ADCY1: variants seen among roughly 807,000 people sequenced by gnomAD.
ADCY1 encodes adenylate cyclase type 1.
ADCY1 carries 28 observed loss-of-function variants against 105.4 expected under a neutral mutation model. That is an observed-to-expected ratio of 0.27 (90% CI 0.20 to 0.36). The LOEUF (loss-of-function observed/expected upper bound fraction) is 0.36. Ranked by LOEUF, ADCY1 falls within the 10% of genes least tolerant of loss-of-function variation. The pLI is 1.00. For missense variants in ADCY1, 977 were observed against 1,434.2 expected (o/e 0.68, Z 5.15); for synonymous variants, 655 against 623.8 (o/e 1.05, Z -0.75).
intron 8 of ADCY1, among the ~76,000 whole-genome samples, chr7:45,667,226 T>C (rs1784279608): frequency 1.3e-5 from 2 of 152,242 alleles, no homozygotes; most frequent in South Asian, 4.1e-4. Flanking sequence ...TGAATGGTAT[T>C]GCCTAGGTTT....
At chr7:45,712,787 T>C (rs1785287085) in intron 19 of ADCY1, among the ~76,000 whole-genome samples, 1 of 152,214 alleles carries the variant, frequency 6.6e-6, no homozygotes, top group Admixed American at 6.5e-5. Flanking sequence ...ATACCAGTCA[T>C]GTCCTCTGTT....
In ADCY1 at chr7:45,575,839, T is replaced by C. The variant is rs927452740; in HGVS notation, c.639+657T>C. 6.6e-6 allele frequency among the ~76,000 whole-genome samples: 1 copy of C among 152,250 alleles called. No homozygotes were observed. The highest frequency in any genetic ancestry group is 2.4e-5 in the African/African-American group (1 of 41,474). ...CCCTGCCTTTTCTGCGCCCGAACTT[T>C]GTCACTGTCTTCCCAGTCGGGCGGG... On this transcript the variant is annotated intron_variant, in intron 1 of 19. Transcript: ENST00000297323. This position sits in a 1 kb window ranked among gnomAD's most constrained non-coding sequence, Gnocchi z 4.7.
At chr7:45,662,481 C>T (rs1162903527) in intron 8 of ADCY1, among the ~76,000 whole-genome samples, 1 of 152,122 alleles carries the variant, frequency 6.6e-6, no homozygotes, top group Non-Finnish European at 1.5e-5. Flanking sequence ...GCTAAAATTC[C>T]CCACCTGCTG....
chr7:45,673,197 T>C (rs1784395697), intron 8 of ADCY1, among the ~76,000 whole-genome samples: 1 of 106,976 alleles, frequency 9.3e-6, no homozygotes, highest in Non-Finnish European at 2.0e-5. Context: ...TTTTGTTAGA[T>C]TTTTTTTATA....
chr7:45,614,661 AT>A (rs1419552996), intron 3 of ADCY1, among the ~76,000 whole-genome samples: 1 of 152,212 alleles, frequency 6.6e-6, no homozygotes, highest in Non-Finnish European at 1.5e-5. Flanking sequence ...AAGGATGTAC[AT>A]AAATGGACAG....
intron 5 of ADCY1, among the ~76,000 whole-genome samples, chr7:45,652,849 G>A (rs1179673624): frequency 6.6e-6 from 1 of 152,168 alleles, no homozygotes; most frequent in Non-Finnish European, 1.5e-5. Context: ...ACCAAGCTTA[G>A]CCATCCTGGC....
rs1794733533 is a variant in ADCY1 at position 45,648,713 on chromosome 7, A to T, written c.1064A>T (p.Tyr355Phe). 6.2e-7 allele frequency: 1 copy of T among 1,613,958 alleles called. No individual in the cohort carries two copies. Among genetic ancestry groups the T allele is most frequent in the Non-Finnish European group, 8.5e-7 (1 of 1,179,998 alleles). Residue 355 changes from tyrosine (Y) to phenylalanine (F), a missense_variant, in exon 5 of 20, where the codon TAC becomes TTC. Transcript: ENST00000297323. ...ATCAAGATTCTCGGGGACTGCTACTACTGCGTGTCGGGCCTCACCCAGCCC... is the reference window on the plus strand; with the variant it reads ...ATCAAGATTCTCGGGGACTGCTACTTCTGCGTGTCGGGCCTCACCCAGCCC... ...RRIKILGDCY[Y>F]CVSGLTQPKT...
intron 8 of ADCY1, among the ~76,000 whole-genome samples, chr7:45,672,500 A>G (rs1008154700): frequency 6.6e-6 from 1 of 151,808 alleles, no homozygotes; most frequent in Non-Finnish European, 1.5e-5. Context: ...CAGCATTGTG[A>G]GGTGTTCAGC....
intron 1 of ADCY1, among the ~76,000 whole-genome samples, chr7:45,579,467 C>T (rs1792456194): frequency 6.6e-6 from 1 of 152,120 alleles, no homozygotes; most frequent in Non-Finnish European, 1.5e-5. Context: ...GTGGCTGGCC[C>T]CTACTCCCCC....
chr7:45,649,791 C>G (rs1020868458), intron 5 of ADCY1, among the ~76,000 whole-genome samples: 6 of 152,194 alleles, frequency 3.9e-5, no homozygotes, highest in African/African-American at 1.4e-4. Context: ...TGTGGGGCAG[C>G]GGTTCACCAA....
At chr7:45,627,351 C>T (rs528015317) in intron 4 of ADCY1, among the ~76,000 whole-genome samples, 2 of 152,312 alleles carry the variant, frequency 1.3e-5, no homozygotes, top group South Asian at 2.1e-4. Context: ...TGACCTTTCA[C>T]CAGCCTTCTG....
chr7:45,591,549 G>A lies in ADCY1; in HGVS notation c.640-1210G>A, dbSNP rs1562676971. On this transcript the variant is annotated intron_variant, in intron 1 of 19. Transcript: ENST00000297323. The surrounding 1 kb of genome is among the most constrained non-coding windows in gnomAD (Gnocchi z 4.1). The stretch of plus-strand genomic sequence containing the variant: ...GCCTGCAGGTTTCTGCTCCCTGGGA[G>A]ACAGGTAGAAATGCCTGGGCTTAAT... Among the ~76,000 whole-genome samples, 1 of 152,274 alleles carries A rather than the reference G, an allele frequency of 6.6e-6. No individual in the cohort carries two copies. The highest frequency in any genetic ancestry group is 6.5e-5 in the Admixed American group (1 of 15,290).
Position 45,713,735 on chromosome 7 carries a change from C to T in ADCY1, c.3100C>T (p.His1034Tyr). The T allele has an allele frequency of 1.3e-6, 1 of 780,758 alleles. No homozygotes were observed. Among genetic ancestry groups the T allele is most frequent in the Non-Finnish European group, 2.4e-6 (1 of 418,130 alleles). 48.4% of individuals were successfully genotyped at this position (780,758 alleles called of 1,614,324 possible). ...VHRLLRRCPYHFVCRGKVSVK... is the reference protein window; with the variant it reads ...VHRLLRRCPYYFVCRGKVSVK... The stretch of plus-strand genomic sequence containing the variant: ...CCGGCTGCTGAGAAGGTGCCCCTAC[C>T]ACTTTGTGTGCCGAGGCAAAGTCAG... Residue 1034 changes from histidine to tyrosine, a missense_variant, in exon 20 of 20, where the codon CAC becomes TAC. This residue lies in a region of ADCY1 where 78 missense variants were observed against 60.0 expected (regional missense o/e 1.30). Coordinates refer to ENST00000297323, the MANE Select transcript of ADCY1 (RefSeq NM_021116.4).
chr7:45,661,479 A>G (rs190720074), intron 7 of ADCY1, among the ~76,000 whole-genome samples: 1 of 152,168 alleles, frequency 6.6e-6, no homozygotes, highest in East Asian at 1.9e-4. Context: ...AGCAGGAACG[A>G]TGACAGTGGA....
At chr7:45,597,543 A>G (rs1388717090) in intron 2 of ADCY1, among the ~76,000 whole-genome samples, 1 of 152,160 alleles carries the variant, frequency 6.6e-6, no homozygotes, top group Non-Finnish European at 1.5e-5. Flanking sequence ...GCAGCAACCC[A>G]TGAAGAGGGT....
intron 1 of ADCY1, among the ~76,000 whole-genome samples, chr7:45,577,239 T>A (rs1374602567): frequency 1.3e-5 from 2 of 152,210 alleles, no homozygotes; most frequent in Non-Finnish European, 2.9e-5. Flanking sequence ...CCTGCAGGGT[T>A]GTAGTGAAGG....
At chr7:45,712,999 C>T (rs1448280522) in intron 19 of ADCY1, among the ~76,000 whole-genome samples, 2 of 152,146 alleles carry the variant, frequency 1.3e-5, no homozygotes, top group Non-Finnish European at 2.9e-5. Flanking sequence ...GGCAGCTATG[C>T]CGGGGTCCTG....
chr7:45,675,810 G>T (rs1433550883), intron 8 of ADCY1, among the ~76,000 whole-genome samples: 1 of 151,992 alleles, frequency 6.6e-6, no homozygotes, highest in African/African-American at 2.4e-5. Context: ...TTTTGTTCTT[G>T]GAAGTTTGAT....
chr7:45,635,619 T>G (rs1794383043), intron 4 of ADCY1, among the ~76,000 whole-genome samples: 1 of 144,958 alleles, frequency 6.9e-6, no homozygotes, highest in Admixed American at 6.9e-5. Flanking sequence ...TTTTTTTTTT[T>G]TTTTTTTTTT....
Sources: gnomAD v4.1 joint callset for allele counts (sites outside exome capture counted in the v4.1 genomes callset) on GRCh38, gnomAD v4.1.1 for gene constraint, gnomAD v4.1.1 regional missense constraint, Gnocchi (gnomAD v3.1) non-coding constraint, MANE v1.5 for transcripts, NCBI Gene and HGNC (gene_info 2026-07-23, HGNC 2026-07-21) for gene names.